The following SPOCK1 variants were observed in gnomAD, a reference collection of about 807,000 sequenced individuals.
The protein encoded by SPOCK1 is testican-1.
Under a neutral mutation model 55.3 loss-of-function variants are expected in SPOCK1, and 23 were observed. The ratio of observed to expected loss-of-function variants is 0.42; its 90% CI spans 0.30 to 0.59. The LOEUF (loss-of-function observed/expected upper bound fraction) is 0.59, where lower values mean the gene tolerates loss of function less well. Among genes scored for constraint, SPOCK1 ranks in the 20% least tolerant of loss-of-function variants. The pLI, the probability that SPOCK1 is intolerant of heterozygous loss-of-function variation, is 0.22. For synonymous variants in SPOCK1, 226 were observed against 221.0 expected (o/e 1.02, Z -0.20); for missense variants, 499 against 552.5 (o/e 0.90, Z 0.97).
In SPOCK1 at chr5:137,498,266, CCACACACACACA is replaced by C. The variant is rs544933594; in HGVS notation, c.186+95_186+106del. On this transcript the variant is annotated intron_variant, in intron 2 of 10. Coordinates refer to ENST00000394945, the MANE Select transcript of SPOCK1 (RefSeq NM_004598.4). ...AGATGCCCACCTGTCCCCCTCCCAA[CCACACACACACA>C]CACACACACACACACACACACACCC... The C allele has an allele frequency of 3.8e-4, 304 of 796,430 alleles. No individual in the cohort carries two copies. In the East Asian group the frequency reaches 4.9e-3, roughly 13 times the overall value. The allele number at this position is 796,430 out of a possible 1,614,324, so 49.3% of individuals were successfully genotyped here. A position where few individuals can be genotyped will look rare whatever the true frequency, so the allele number is the denominator to read the frequency against.
chr5:137,362,902 G>A (rs961384090), intron 2 of SPOCK1, among the ~76,000 whole-genome samples: 1 of 152,092 alleles, frequency 6.6e-6, no homozygotes, highest in African/African-American at 2.4e-5. Flanking sequence ...CCTCAAGTGG[G>A]GAAACTGAGA....
intron 3 of SPOCK1, among the ~76,000 whole-genome samples, chr5:137,240,418 T>C (rs866177304): frequency 6.6e-6 from 1 of 152,152 alleles, no homozygotes; most frequent in Non-Finnish European, 1.5e-5. Flanking sequence ...AGATGCCACA[T>C]ATTTTTAAAT....
chr5:137,237,182 A>G (rs376756888), intron 3 of SPOCK1, among the ~76,000 whole-genome samples: 10 of 152,334 alleles, frequency 6.6e-5, no homozygotes, highest in East Asian at 5.8e-4. Flanking sequence ...AGGTTAAGTG[A>G]ATTATCATTA....
At chr5:137,157,540 T>C (rs1027586921) in intron 3 of SPOCK1, among the ~76,000 whole-genome samples, 27 of 152,198 alleles carry the variant, frequency 1.8e-4, no homozygotes, top group African/African-American at 6.5e-4. Context: ...AAGGGACCTC[T>C]TCCTCCCAGT....
intron 2 of SPOCK1, among the ~76,000 whole-genome samples, chr5:137,356,838 T>TATAGAGAGAG (rs1554077335): frequency 2.4e-3 from 13 of 5,456 alleles, no homozygotes; most frequent in South Asian, 8.6e-3. Flanking sequence ...TATATATATA[T>TATAGAGAGAG]AGAGAGAGAG....
chr5:137,449,221 T>C (rs1753197617), intron 2 of SPOCK1, among the ~76,000 whole-genome samples: 1 of 152,216 alleles, frequency 6.6e-6, no homozygotes, highest in African/African-American at 2.4e-5. Context: ...CAATACCTTC[T>C]GCCCAGTGCA....
chr5:137,065,603 A>G (rs1752490698), intron 6 of SPOCK1, among the ~76,000 whole-genome samples: 2 of 152,196 alleles, frequency 1.3e-5, no homozygotes, highest in African/African-American at 4.8e-5. Context: ...ATATTGGACT[A>G]AAGGAACTGA....
intron 6 of SPOCK1, among the ~76,000 whole-genome samples, chr5:137,018,529 T>C (rs1429195481): frequency 2.0e-5 from 3 of 152,130 alleles, no homozygotes; most frequent in Admixed American, 6.6e-5. Flanking sequence ...ATGATAACCA[T>C]TGAAGATACT....
chr5:137,483,997 A>C (rs1427656331), intron 2 of SPOCK1, among the ~76,000 whole-genome samples: 1 of 152,222 alleles, frequency 6.6e-6, no homozygotes, highest in Non-Finnish European at 1.5e-5. Flanking sequence ...AATGAAAATC[A>C]AGTAGATGTC....
At chr5:137,157,751 T>C (rs1368240022) in intron 3 of SPOCK1, among the ~76,000 whole-genome samples, 1 of 152,150 alleles carries the variant, frequency 6.6e-6, no homozygotes, top group Non-Finnish European at 1.5e-5. Context: ...GGGAACAGTT[T>C]TTAGATGGTT....
At chr5:137,167,700 A>G (rs1754675684) in intron 3 of SPOCK1, among the ~76,000 whole-genome samples, 2 of 152,106 alleles carry the variant, frequency 1.3e-5, no homozygotes, top group African/African-American at 4.8e-5. Flanking sequence ...AAATTAAACA[A>G]TACGCTCCTG....
intron 3 of SPOCK1, among the ~76,000 whole-genome samples, chr5:137,158,737 T>G (rs1754468898): frequency 6.6e-6 from 1 of 151,914 alleles, no homozygotes; most frequent in Non-Finnish European, 1.5e-5. Flanking sequence ...GGAAGGAGTC[T>G]CGGGGGCACC....
At chr5:137,488,590 C>G (rs1754109413) in intron 2 of SPOCK1, among the ~76,000 whole-genome samples, 1 of 152,188 alleles carries the variant, frequency 6.6e-6, no homozygotes, top group Non-Finnish European at 1.5e-5. Flanking sequence ...CTTGGCCAGG[C>G]CTCTCAGAAT....
intron 2 of SPOCK1, among the ~76,000 whole-genome samples, chr5:137,454,172 A>G (rs903006967): frequency 1.3e-5 from 2 of 152,184 alleles, no homozygotes; most frequent in African/African-American, 4.8e-5. Context: ...AGTGTAGCCC[A>G]GCTCATATAA....
intron 4 of SPOCK1, among the ~76,000 whole-genome samples, chr5:137,127,515 C>T (rs937388128): frequency 3.3e-5 from 5 of 152,274 alleles, no homozygotes; most frequent in African/African-American, 1.2e-4. Context: ...TCCAGTGGGT[C>T]TGGCAGGCAG....
rs572867982 is a variant in SPOCK1, at chr5:137,240,641, C to T, written c.232+26369G>A. Among the ~76,000 whole-genome samples the T allele has an allele frequency of 3.9e-5, 6 of 152,254 alleles. No homozygotes were observed. The East Asian group carries it at 1.2e-3, about 29-fold the overall frequency. On this transcript the variant is annotated intron_variant, in intron 3 of 10. Transcript: ENST00000394945. ...ACAAACTCACAGAGCTGTCAACTCTCCTTAAGGAAATTTGTAAATGTAATG... is the reference window on the plus strand; with the variant it reads ...ACAAACTCACAGAGCTGTCAACTCTTCTTAAGGAAATTTGTAAATGTAATG...
intron 6 of SPOCK1, among the ~76,000 whole-genome samples, chr5:137,064,962 T>C (rs1752469238): frequency 6.6e-6 from 1 of 152,142 alleles, no homozygotes; most frequent in South Asian, 2.1e-4. Flanking sequence ...GCCTAGTAGC[T>C]CACATCTGTA....
At chr5:137,173,074 G>A (rs1447295019) in intron 3 of SPOCK1, among the ~76,000 whole-genome samples, 1 of 152,116 alleles carries the variant, frequency 6.6e-6, no homozygotes, top group Non-Finnish European at 1.5e-5. Flanking sequence ...TGGTGTTAGT[G>A]GGAATGCAGC....
At chr5:136,998,835 T>C (rs906787476) in intron 6 of SPOCK1, among the ~76,000 whole-genome samples, 7 of 152,306 alleles carry the variant, frequency 4.6e-5, no homozygotes, top group African/African-American at 1.4e-4. Context: ...TACTCCAAAA[T>C]GTGGAAAAAG....
Sources: gnomAD v4.1 joint callset for allele counts (sites outside exome capture counted in the v4.1 genomes callset) on GRCh38, gnomAD v4.1.1 for gene constraint, MANE v1.5 for transcripts, NCBI Gene and HGNC (gene_info 2026-07-23, HGNC 2026-07-21) for gene names.